Variants in RABGAP1L observed in about 807,000 individuals in gnomAD.
RABGAP1L encodes the protein RAB GTPase activating protein 1 like.
Under a neutral mutation model 137.7 loss-of-function variants are expected in RABGAP1L, and 63 were observed. The observed-to-expected ratio is 0.46, with a 90% CI of 0.37 to 0.56. The LOEUF is 0.56. Ranked by LOEUF, RABGAP1L falls within the 20% of genes least tolerant of loss-of-function variation. The pLI is 0.00. For missense variants in RABGAP1L, 1,095 were observed against 1,244.0 expected (o/e 0.88, Z 1.80); for synonymous variants, 431 against 433.7 (o/e 0.99, Z 0.08).
At position 174,165,013 on chromosome 1, in the gene RABGAP1L, G is replaced by A. The variant is rs372607712; in HGVS notation, c.-34+5356G>A. Among the ~76,000 whole-genome samples, 60 of 152,274 alleles carry A rather than the reference G, an allele frequency of 3.9e-4. 2 individuals are homozygous for A. In the South Asian group the frequency reaches 0.012, roughly 29 times the overall value. The stretch of plus-strand genomic sequence containing the variant: ...GTGTTAATCAGTTTGAATAAAGATG[G>A]ACCTTGACCCTGAGGACTTTATGCT... On this transcript the variant is annotated intron_variant, in intron 1 of 25. Coordinates refer to ENST00000681986, the MANE Select transcript of RABGAP1L (RefSeq NM_001366446.1).
At chr1:174,539,277 T>C (rs1023834910) in intron 13 of RABGAP1L, among the ~76,000 whole-genome samples, 12 of 151,784 alleles carry the variant, frequency 7.9e-5, no homozygotes, top group African/African-American at 2.9e-4. Flanking sequence ...TTTTCATTTC[T>C]TTTTTTTCTT....
intron 13 of RABGAP1L, among the ~76,000 whole-genome samples, chr1:174,614,873 C>G (rs561219974): frequency 1.3e-5 from 2 of 152,330 alleles, no homozygotes; most frequent in African/African-American, 4.8e-5. Flanking sequence ...ATCGTATCGG[C>G]TCCTGAGGCT....
At chr1:174,857,048 A>G (rs1398785233) in intron 19 of RABGAP1L, among the ~76,000 whole-genome samples, 3 of 152,194 alleles carry the variant, frequency 2.0e-5, no homozygotes, top group South Asian at 2.1e-4. Context: ...CCAACCAAAC[A>G]ACAACATCTC....
At chr1:174,479,984 A>C (rs1037124826) in intron 13 of RABGAP1L, among the ~76,000 whole-genome samples, 4 of 152,168 alleles carry the variant, frequency 2.6e-5, no homozygotes, top group Non-Finnish European at 4.4e-5. Flanking sequence ...TAAAATACAG[A>C]GTTGGTTCTC....
At chr1:174,349,315 C>CTGCAATCTCG in intron 11 of RABGAP1L, among the ~76,000 whole-genome samples, 1 of 123,328 alleles carries the variant, frequency 8.1e-6, no homozygotes, top group East Asian at 2.4e-4. Flanking sequence ...CGGGCAGAGG[C>CTGCAATCTCG]GCCCCTCACC....
chr1:174,492,320 A>G (rs10912795), intron 13 of RABGAP1L, among the ~76,000 whole-genome samples: 50,410 of 148,154 alleles, frequency 0.34, 10,750 homozygotes, highest in African/African-American at 0.6. Flanking sequence ...AGCTGGGATT[A>G]CAGGTGCATG....
At chr1:174,644,657 T>C (rs991274393) in intron 14 of RABGAP1L, among the ~76,000 whole-genome samples, 3 of 152,130 alleles carry the variant, frequency 2.0e-5, no homozygotes, top group African/African-American at 7.2e-5. Flanking sequence ...TTCTATACTA[T>C]ATTCAAATGG....
At chr1:174,318,086 T>A (rs1165918962) in intron 11 of RABGAP1L, among the ~76,000 whole-genome samples, 3 of 151,346 alleles carry the variant, frequency 2.0e-5, no homozygotes, top group Non-Finnish European at 4.4e-5. Flanking sequence ...CTTTCAGCAA[T>A]AAGAAGTTAA....
chr1:174,495,164 G>A (rs1660628133), intron 13 of RABGAP1L, among the ~76,000 whole-genome samples: 2 of 152,096 alleles, frequency 1.3e-5, no homozygotes, highest in African/African-American at 4.8e-5. Context: ...TGGTGTGTCT[G>A]ATGGAAACTG....
At chr1:174,634,656 G>A (rs1673777041) in intron 13 of RABGAP1L, among the ~76,000 whole-genome samples, 1 of 102,820 alleles carries the variant, frequency 9.7e-6, no homozygotes, top group African/African-American at 4.7e-5. Context: ...ATGATAGACT[G>A]GATTAAGAAA....
intron 13 of RABGAP1L, among the ~76,000 whole-genome samples, chr1:174,407,181 G>A (rs1649376831): frequency 6.6e-6 from 1 of 152,018 alleles, no homozygotes; most frequent in African/African-American, 2.4e-5. Context: ...CCTACCTCCT[G>A]CCCCAACATG....
intron 1 of RABGAP1L, among the ~76,000 whole-genome samples, chr1:174,181,995 A>G (rs1666408509): frequency 6.6e-6 from 1 of 152,246 alleles, no homozygotes; most frequent in Admixed American, 6.5e-5. Flanking sequence ...AAATTTCAGG[A>G]TAGAAGAAAT....
intron 19 of RABGAP1L, among the ~76,000 whole-genome samples, chr1:174,820,716 A>G (rs576476189): frequency 6.6e-6 from 1 of 152,286 alleles, no homozygotes; most frequent in African/African-American, 2.4e-5. Context: ...TTTAAAGAGA[A>G]CTTTCTGATA....
intron 17 of RABGAP1L, among the ~76,000 whole-genome samples, chr1:174,718,617 G>A (rs1024667852): frequency 2.6e-5 from 4 of 151,984 alleles, no homozygotes; most frequent in South Asian, 2.1e-4. Flanking sequence ...ATTTGTCATC[G>A]TGTACTATTT....
chr1:174,378,520 A>G (rs1685785623), intron 12 of RABGAP1L, among the ~76,000 whole-genome samples: 2 of 151,850 alleles, frequency 1.3e-5, no homozygotes, highest in South Asian at 4.2e-4. Flanking sequence ...TTTGATTTGC[A>G]TTTCTCTGAT....
intron 13 of RABGAP1L, among the ~76,000 whole-genome samples, chr1:174,520,111 C>A (rs1387635269): frequency 1.3e-5 from 2 of 152,146 alleles, no homozygotes; most frequent in African/African-American, 4.8e-5. Context: ...ATAGTTGTAG[C>A]CAATCTGCCT....
chr1:174,749,818 A>G (rs530529686), intron 17 of RABGAP1L, among the ~76,000 whole-genome samples: 2 of 152,160 alleles, frequency 1.3e-5, no homozygotes, highest in South Asian at 4.1e-4. Flanking sequence ...TAGAAAGTAA[A>G]TTTTCCCCAC....
chr1:174,739,172 A>C (rs1287637071), intron 17 of RABGAP1L, among the ~76,000 whole-genome samples: 1 of 152,170 alleles, frequency 6.6e-6, no homozygotes, highest in Non-Finnish European at 1.5e-5. Flanking sequence ...GGCTCCTAAT[A>C]AAGGAACAAG....
intron 7 of RABGAP1L, among the ~76,000 whole-genome samples, chr1:174,256,641 C>T (rs1301633362): frequency 3.3e-5 from 5 of 152,046 alleles, no homozygotes; most frequent in Non-Finnish European, 7.4e-5. Context: ...ATTAGCTGGG[C>T]GTGGTGGCGG....
Sources: allele counts gnomAD v4.1 joint callset (sites outside exome capture counted in the v4.1 genomes callset), GRCh38; gene constraint gnomAD v4.1.1; transcripts MANE v1.5; gene names NCBI Gene and HGNC (gene_info 2026-07-23, HGNC 2026-07-21).